RP1: variants seen among roughly 807,000 people sequenced by gnomAD.
The protein encoded by RP1 is oxygen-regulated protein 1.
Under a neutral mutation model 14.8 loss-of-function variants are expected in RP1, and 16 were observed. The ratio of observed to expected loss-of-function variants is 1.08; its 90% confidence interval spans 0.73 to 1.65. RP1 has a LOEUF of 1.65. Ranked by LOEUF, RP1 falls within the 40% of genes most tolerant of loss-of-function variation. The pLI is 0.00. For synonymous variants in RP1, 876 were observed against 883.6 expected, an observed-to-expected ratio of 0.99 and a Z score of 0.15; for missense variants, 2,631 against 2,535.0, an observed-to-expected ratio of 1.04 and a Z score of -0.81.
chr8:54,833,266 T>C (rs959781657), intron 24 of RP1, among the ~76,000 whole-genome samples: 6 of 151,904 alleles, frequency 3.9e-5, no homozygotes, highest in African/African-American at 1.4e-4. Context: ...TTGTTGTTTC[T>C]CATAGAATTG....
chr8:54,763,705 G>A (rs1321057657), intron 22 of RP1, among the ~76,000 whole-genome samples: 1 of 151,962 alleles, frequency 6.6e-6, no homozygotes, highest in African/African-American at 2.4e-5. Flanking sequence ...CAAACAAAAC[G>A]AATCTAACTT....
At chr8:54,654,858 G>T (rs1051739269) in intron 5 of RP1, among the ~76,000 whole-genome samples, 2 of 152,122 alleles carry the variant, frequency 1.3e-5, no homozygotes, top group African/African-American at 4.8e-5. Context: ...TGTTGCCCTG[G>T]TTGGTCTCAA....
intron 15 of RP1, among the ~76,000 whole-genome samples, chr8:54,713,097 A>G (rs1585629012): frequency 6.6e-6 from 1 of 152,012 alleles, no homozygotes; most frequent in South Asian, 2.1e-4. Flanking sequence ...TTTTGTACTA[A>G]ATTGAATTGA....
At chr8:54,714,393 T>C (rs1313443949) in intron 15 of RP1, among the ~76,000 whole-genome samples, 1 of 152,214 alleles carries the variant, frequency 6.6e-6, no homozygotes, top group African/African-American at 2.4e-5. Context: ...ATTGTTCCTA[T>C]GGATAACATC....
intron 1 of RP1, among the ~76,000 whole-genome samples, chr8:54,573,192 T>C (rs1804567306): frequency 6.6e-6 from 1 of 152,146 alleles, no homozygotes; most frequent in African/African-American, 2.4e-5. Context: ...GATAAATCAG[T>C]CATCACCTTC....
Position 54,625,266 on chromosome 8 carries a change from T to A in RP1, c.1384T>A (p.Ser462Thr). 6.2e-7 allele frequency: 1 copy of A among 1,614,112 alleles called. No homozygotes were observed. Among genetic ancestry groups the A allele is most frequent in the Non-Finnish European group, 8.5e-7 (1 of 1,180,030 alleles). Residue 462 changes from serine (S) to threonine (T), a missense_variant, in exon 4 of 4, where the codon TCT (serine) becomes ACT (threonine). Transcript: ENST00000220676. ...ACTAAGAAGAGTGAGACAAAAGAAA[T>A]CTGTGATTGGCAGTGTGACCTTAGT... ...PGLRRVRQKKSVIGSVTLVSE... is the reference protein window; with the variant it reads ...PGLRRVRQKKTVIGSVTLVSE...
intron 23 of RP1, among the ~76,000 whole-genome samples, chr8:54,778,126 G>A (rs925674195): frequency 2.0e-5 from 3 of 152,034 alleles, no homozygotes; most frequent in Non-Finnish European, 4.4e-5. Flanking sequence ...GTTGTATTAG[G>A]CACTGAGAAT....
chr8:54,734,754 A>G (rs778202909), intron 18 of RP1: 18 of 1,520,800 alleles, frequency 1.2e-5, no homozygotes, highest in Non-Finnish European at 1.5e-5. Flanking sequence ...GGTAAACAAC[A>G]CTGGCAGTAA....
At chr8:54,838,350 T>C (rs1053171354) in intron 25 of RP1, among the ~76,000 whole-genome samples, 4 of 152,228 alleles carry the variant, frequency 2.6e-5, no homozygotes, top group Non-Finnish European at 5.9e-5. Context: ...AATAACTACC[T>C]TCTTTTTGCT....
chr8:54,682,045 T>C (rs1807446522), intron 12 of RP1, among the ~76,000 whole-genome samples: 1 of 152,080 alleles, frequency 6.6e-6, no homozygotes, highest in African/African-American at 2.4e-5. Context: ...TTATATTACT[T>C]TGGGTATATA....
At chr8:54,564,036 G>A (rs1349934040) in intron 1 of RP1, among the ~76,000 whole-genome samples, 1 of 152,122 alleles carries the variant, frequency 6.6e-6, no homozygotes, top group Non-Finnish European at 1.5e-5. Context: ...AGACCGCTGC[G>A]GAGTTGTTGC....
Position 54,627,669 on chromosome 8 carries a change from A to G in RP1, c.3787A>G (p.Thr1263Ala). The change falls in exon 4 of 4, where the codon ACT becomes GCT. Residue 1263 changes from threonine (T) to alanine (A), a missense_variant. Coordinates refer to ENST00000220676, the MANE Select transcript of RP1 (RefSeq NM_006269.2). Reference protein sequence around the residue: ...EVTCSPCEMCTVNKAYSPKET... With the variant: ...EVTCSPCEMCAVNKAYSPKET... ...GACTTGCTCTCCATGTGAGATGTGC[A>G]CTGTAAATAAGGCTTATTCTCCAAA... is the stretch of plus-strand genomic sequence containing the variant. The G allele has an allele frequency of 1.1e-5, 17 of 1,614,212 alleles. No homozygotes were observed. Among genetic ancestry groups the G allele is most frequent in the Non-Finnish European group, 1.4e-5 (17 of 1,179,990 alleles).
In RP1 at chr8:54,630,087, A is replaced by G; in HGVS notation, c.6205A>G (p.Asn2069Asp). ...NEIFKAVDEN[N>D]NLLNNRFQGS... is the part of the protein sequence containing the mutation. ...AATCTTTAAAGCAGTCGATGAGAAT[A>G]ACAACTTATTAAATAACAGATTCCA... The change falls in exon 4 of 4, where the codon AAC becomes GAC. Residue 2069 changes from asparagine to aspartate, a missense_variant. Transcript: ENST00000220676. The G allele has an allele frequency of 6.2e-7, 1 of 1,614,002 alleles. No individual in the cohort carries two copies. Among genetic ancestry groups the G allele is most frequent in the South Asian group, 1.1e-5 (1 of 91,074 alleles).
intron 24 of RP1, among the ~76,000 whole-genome samples, chr8:54,790,544 T>A (rs530342636): frequency 7.0e-6 from 1 of 142,646 alleles, no homozygotes; most frequent in Non-Finnish European, 1.5e-5. Flanking sequence ...ATAATCCCTT[T>A]AAACAAGTTC....
intron 17 of RP1, among the ~76,000 whole-genome samples, chr8:54,728,394 T>C (rs188035539): frequency 7.1e-4 from 108 of 152,304 alleles, no homozygotes; most frequent in African/African-American, 2.6e-3. Context: ...TATTAAAATA[T>C]GTTAGTTGAA....
chr8:54,830,595 T>C (rs1368538660), intron 24 of RP1, among the ~76,000 whole-genome samples: 3 of 152,166 alleles, frequency 2.0e-5, no homozygotes, highest in Non-Finnish European at 4.4e-5. Flanking sequence ...TACAGTACAG[T>C]TTTTATATAT....
intron 8 of RP1, among the ~76,000 whole-genome samples, chr8:54,676,584 G>A (rs1464632866): frequency 2.0e-5 from 3 of 152,092 alleles, no homozygotes; most frequent in South Asian, 2.1e-4. Flanking sequence ...AAACAATGCC[G>A]GTTAATAAGA....
chr8:54,579,220 A>G (rs1024926488), intron 1 of RP1, among the ~76,000 whole-genome samples: 5 of 152,212 alleles, frequency 3.3e-5, no homozygotes, highest in Non-Finnish European at 5.9e-5. Context: ...TTATCTCAGT[A>G]GACACACAGC....
At chr8:54,689,347 A>G (rs544875621) in intron 12 of RP1, among the ~76,000 whole-genome samples, 4 of 152,204 alleles carry the variant, frequency 2.6e-5, no homozygotes, top group East Asian at 1.9e-4. Context: ...TTCCAACACT[A>G]TGTTGAATAG....
Sources: gnomAD v4.1 joint callset for allele counts (sites outside exome capture counted in the v4.1 genomes callset) on GRCh38, gnomAD v4.1.1 for gene constraint, MANE v1.5 for transcripts, NCBI Gene and HGNC (gene_info 2026-07-23, HGNC 2026-07-21) for gene names.